ACAP3: variants seen among roughly 807,000 people sequenced by gnomAD.
The protein encoded by ACAP3 is ArfGAP with coiled-coil, ankyrin repeat and PH domains 3.
In ACAP3, 56 loss-of-function variants were observed where a neutral mutation model predicts 104.1. The ratio of observed to expected loss-of-function variants is 0.54; its 90% CI spans 0.43 to 0.67. The LOEUF is 0.67. Ranked by LOEUF, ACAP3 falls within the 30% of genes least tolerant of loss-of-function variation. The pLI is 0.00. For missense variants in ACAP3, 1,208 were observed against 1,174.9 expected (o/e 1.03, Z -0.41); for synonymous variants, 628 against 496.2 (o/e 1.27, Z -3.53).
At chr1:1,302,562 C>T (rs969853059) in intron 4 of ACAP3, among the ~76,000 whole-genome samples, 56 of 152,190 alleles carry the variant, frequency 3.7e-4, no homozygotes, top group African/African-American at 1.0e-3. Flanking sequence ...CAGGCTGCAG[C>T]CCCACATCTC....
chr1:1,306,272 G>A (rs1273144026), intron 1 of ACAP3, among the ~76,000 whole-genome samples: 1 of 152,252 alleles, frequency 6.6e-6, no homozygotes, highest in East Asian at 1.9e-4. Context: ...CCACACGACT[G>A]GAAGAGGGCA....
Position 1,294,114 on chromosome 1 carries a change from T to TGGTGC in ACAP3, c.2220_2224dup (p.His742ArgfsTer17). The TGGTGC allele has an allele frequency of 6.3e-7, 1 of 1,586,712 alleles. No individual in the cohort carries two copies. Among genetic ancestry groups the TGGTGC allele is most frequent in the South Asian group, 1.1e-5 (1 of 87,842 alleles). On this transcript the variant is annotated frameshift_variant, in exon 22 of 24. Coordinates refer to ENST00000354700, the MANE Select transcript of ACAP3 (RefSeq NM_030649.3). LOFTEE classifies it high-confidence loss of function. ...CCCGGTGCGGCCCAGCAGCGTGGCG[T>TGGTGC]GGTGCAGGGGCGCCCGGCCCCGGCT...
intron 1 of ACAP3, chr1:1,307,321 T>TGG (rs1395899636): frequency 1.2e-5 from 15 of 1,289,040 alleles, no homozygotes; most frequent in Non-Finnish European, 1.5e-5. Flanking sequence ...CCACTTCACG[T>TGG]TTCCAAGCAC....
At chr1:1,299,052 A>G (rs1641325297) in intron 10 of ACAP3, 1 of 566,938 alleles carries the variant, frequency 1.8e-6, no homozygotes, top group African/African-American at 1.9e-5. Flanking sequence ...GAGGCCTGGG[A>G]GTCACTGAGG....
In ACAP3 at chr1:1,295,911, G is replaced by A; in HGVS notation, c.1530C>T (p.Asp510=). 6.2e-7 allele frequency: 1 copy of A among 1,612,330 alleles called. No homozygotes were observed. Among genetic ancestry groups the A allele is most frequent in the African/African-American group, 1.3e-5 (1 of 75,030 alleles). ...SRQDKEAWIK[D]KYVEKKFLRK... ...GCAGAAACTTCTTTTCCACGTATTT[G>A]TCCTTGATCCAGGCCTCCTTGTCCT... The change falls in exon 18 of 24, where the codon GAC becomes GAT. Residue 510 remains aspartate (D), a synonymous_variant. Coordinates refer to ENST00000354700, the MANE Select transcript of ACAP3 (RefSeq NM_030649.3).
Position 1,303,647 on chromosome 1 carries a change from A to C in ACAP3, c.106-366T>G. On this transcript the variant is annotated intron_variant, in intron 2 of 23. Transcript: ENST00000354700. The surrounding 1 kb of genome is among the most constrained non-coding windows in gnomAD (Gnocchi z 4.0). ...CTCAGCCCATGTGGGGCTCATGGAC[A>C]CGGCTCCCCTCTCCACGGCCTGTTG... 5.0e-6 allele frequency: 2 copies of C among 396,340 alleles called. No individual in the cohort carries two copies. Among genetic ancestry groups the C allele is most frequent in the South Asian group, 2.8e-5 (1 of 35,582 alleles). 24.6% of individuals were successfully genotyped at this position (396,340 alleles called of 1,614,324 possible).
At chr1:1,298,732 C>T (rs1316392509) in intron 10 of ACAP3, 53 bp from the exon 11 acceptor site, 4 of 1,422,052 alleles carry the variant, frequency 2.8e-6, no homozygotes, top group Non-Finnish European at 3.9e-6. Context: ...CCCTGCTACC[C>T]TCCGTGCTTT....
At chr1:1,295,637 G>C in intron 18 of ACAP3, 83 bp from the exon 19 acceptor site, 1 of 1,556,950 alleles carries the variant, frequency 6.4e-7, no homozygotes. Context: ...AGTCTGCGGA[G>C]CCTGAGGTGC....
At position 1,302,988 on chromosome 1, in the gene ACAP3, A is replaced by T. The variant is rs772781043; in HGVS notation, c.226-13T>A. 2 of 1,608,152 alleles carry T rather than the reference A, an allele frequency of 1.2e-6. No individual in the cohort carries two copies. The highest frequency in any genetic ancestry group is 2.2e-5 in the South Asian group (2 of 90,344). On this transcript the variant is annotated splice_polypyrimidine_tract_variant and intron_variant, in intron 3 of 23. Coordinates refer to ENST00000354700, the MANE Select transcript of ACAP3 (RefSeq NM_030649.3). Reference sequence around the variant, plus strand: ...TCTGCAGACATTCCTGGAGGAGCAGATGGGAACCCGTGCTGAGATGGCAAA... The same window carrying T: ...TCTGCAGACATTCCTGGAGGAGCAGTTGGGAACCCGTGCTGAGATGGCAAA...
At chr1:1,293,731 A>ACGCCCCTGCCCTGGATGCCC (rs1553161392) in intron 23 of ACAP3, 23 bp from the exon 24 acceptor site, 2 of 943,902 alleles carry the variant, frequency 2.1e-6, no homozygotes, top group Non-Finnish European at 2.8e-6. Flanking sequence ...ACAGCGTGAG[A>ACGCCCCTGCCCTGGATGCCC]CGCCCCTGCC....
chr1:1,296,962 T>A (rs1199389866), intron 14 of ACAP3, among the ~76,000 whole-genome samples: 1 of 152,186 alleles, frequency 6.6e-6, no homozygotes, highest in Non-Finnish European at 1.5e-5. Context: ...CACCCTCACA[T>A]GGGCAGATGG....
intron 1 of ACAP3, among the ~76,000 whole-genome samples, chr1:1,306,725 C>T (rs1364126116): frequency 6.6e-6 from 1 of 152,244 alleles, no homozygotes; most frequent in Non-Finnish European, 1.5e-5. Context: ...CACAAACATG[C>T]CTGCACACAC....
At position 1,300,579 on chromosome 1, in the gene ACAP3, T is replaced by C; in HGVS notation, c.452A>G (p.Glu151Gly). Residue 151 changes from glutamate (E) to glycine (G), a missense_variant, in exon 6 of 24, where the codon GAG becomes GGG. Transcript: ENST00000354700. ...QAPRHRPHEV[E>G]EATGALTLTR... ...GAGGGTGAGGGCCCCGGTGGCTTCCTCCACCTCGTGGGGCCGGTGCCTCGG... is the reference window on the plus strand; with the variant it reads ...GAGGGTGAGGGCCCCGGTGGCTTCCCCCACCTCGTGGGGCCGGTGCCTCGG... The C allele has an allele frequency of 6.2e-7, 1 of 1,611,820 alleles. No individual in the cohort carries two copies. Among genetic ancestry groups the C allele is most frequent in the Non-Finnish European group, 8.5e-7 (1 of 1,179,594 alleles).
chr1:1,297,936 G>T lies in ACAP3; in HGVS notation c.1017-3C>A. ...AGTCAGCCTGCAGCATGCAGCTCCT[G>T]CAGGCAGTGGAGGGGCGGGCGTCAG... On this transcript the variant is annotated splice_region_variant and splice_polypyrimidine_tract_variant and intron_variant, in intron 13 of 23. Transcript: ENST00000354700. 6.2e-7 allele frequency: 1 copy of T among 1,611,730 alleles called. No homozygotes were observed. Among genetic ancestry groups the T allele is most frequent in the Non-Finnish European group, 8.5e-7 (1 of 1,179,352 alleles).
At chr1:1,299,251 G>A (rs1474977957) in intron 10 of ACAP3, 94 bp downstream of exon 10, 17 of 1,478,422 alleles carry the variant, frequency 1.1e-5, no homozygotes, top group Non-Finnish European at 1.6e-5. Flanking sequence ...AGGTGTCCTT[G>A]GTGCTGAAGT....
rs777136007 is a variant in ACAP3, at chr1:1,298,623, C to T, written c.807G>A (p.Val269=). The change falls in exon 11 of 24, where the codon GTG becomes GTA. Residue 269 remains valine, a synonymous_variant. Coordinates refer to ENST00000354700, the MANE Select transcript of ACAP3 (RefSeq NM_030649.3). ...VEFDVDAPSG[V]VMEGYLFKRA... ...TCTTGAAGAGGTAGCCCTCCATCACCACCCCACTGGGCGCGTCCACGTCAA... is the reference window on the plus strand; with the variant it reads ...TCTTGAAGAGGTAGCCCTCCATCACTACCCCACTGGGCGCGTCCACGTCAA... 5 of 1,612,448 alleles carry T rather than the reference C, an allele frequency of 3.1e-6. No individual in the cohort carries two copies. The highest frequency in any genetic ancestry group is 4.2e-6 in the Non-Finnish European group (5 of 1,179,812).
In ACAP3 at chr1:1,294,188, G is replaced by T; in HGVS notation, c.2151C>A (p.Ile717=). Residue 717 remains isoleucine, a synonymous_variant, in exon 22 of 24, where the codon ATC becomes ATA. Coordinates refer to ENST00000354700, the MANE Select transcript of ACAP3 (RefSeq NM_030649.3). The stretch of plus-strand genomic sequence containing the variant: ...CGTTTTGCAGCAGGAACTCACAGAC[G>T]ATCAAGGAGCCCTGGGGAGCCGGGG... ...LVQAVLGGSL[I]VCEFLLQNGA... 3 of 1,590,222 alleles carry T rather than the reference G, an allele frequency of 1.9e-6. No individual in the cohort carries two copies. Among genetic ancestry groups the T allele is most frequent in the Non-Finnish European group, 2.6e-6 (3 of 1,168,558 alleles).
chr1:1,301,893 G>T, intron 5 of ACAP3, 95 bp downstream of exon 5: 1 of 1,240,972 alleles, frequency 8.1e-7, no homozygotes, highest in Non-Finnish European at 1.1e-6. Flanking sequence ...GGAGGCCTGG[G>T]CCCAAGGTGC....
intron 16 of ACAP3, 33 bp downstream of exon 16, chr1:1,296,178 G>T: frequency 6.3e-7 from 1 of 1,598,308 alleles, no homozygotes; most frequent in East Asian, 2.3e-5. Flanking sequence ...CCCACAAACG[G>T]GGTCCCGTGG....
Sources: gnomAD v4.1 joint callset for allele counts (sites outside exome capture counted in the v4.1 genomes callset) on GRCh38, gnomAD v4.1.1 for gene constraint, Gnocchi (gnomAD v3.1) non-coding constraint, MANE v1.5 for transcripts, NCBI Gene and HGNC (gene_info 2026-07-23, HGNC 2026-07-21) for gene names.